EFCAB3: variants seen among roughly 807,000 people sequenced by gnomAD.
EFCAB3 encodes EF-hand calcium binding domain 3.
Under a neutral mutation model 42.2 loss-of-function variants are expected in EFCAB3, and 36 were observed. That is an observed-to-expected ratio of 0.85 (90% confidence interval 0.65 to 1.13). EFCAB3 has a LOEUF of 1.13. Among genes scored for constraint, EFCAB3 ranks in the 50% most tolerant of loss-of-function variants. EFCAB3 has a pLI of 0.00. For missense variants in EFCAB3, 418 were observed against 505.1 expected (o/e 0.83, Z 1.65); for synonymous variants, 170 against 172.8 (o/e 0.98, Z 0.13).
intron 6 of EFCAB3, among the ~76,000 whole-genome samples, chr17:62,395,784 A>G (rs1307966992): frequency 6.6e-6 from 1 of 152,190 alleles, no homozygotes; most frequent in Non-Finnish European, 1.5e-5. Context: ...AGAGTAAATC[A>G]CCTCAATCTA....
chr17:62,403,791 A>G (rs1402182778), intron 6 of EFCAB3, among the ~76,000 whole-genome samples: 3 of 152,054 alleles, frequency 2.0e-5, no homozygotes, highest in Admixed American at 6.6e-5. Flanking sequence ...TGGGACTACA[A>G]GCCTGCACTA....
intron 6 of EFCAB3, among the ~76,000 whole-genome samples, chr17:62,399,828 A>G (rs73329498): frequency 0.15 from 22,853 of 152,136 alleles, 2,650 homozygotes; most frequent in African/African-American, 0.32. Flanking sequence ...ACCTTTTAAT[A>G]TGCAATAAAA....
At position 62,383,039 on chromosome 17, in the gene EFCAB3, C is replaced by G; in HGVS notation, c.60C>G (p.Ile20Met). 6.2e-7 allele frequency: 1 copy of G among 1,612,952 alleles called. No homozygotes were observed. Among genetic ancestry groups the G allele is most frequent in the South Asian group, 1.1e-5 (1 of 90,810 alleles). Residue 20 changes from isoleucine (I) to methionine (M), a missense_variant, in exon 2 of 10, where the codon ATC becomes ATG. Ile to Met is a conservative substitution (Grantham distance 10). Coordinates refer to ENST00000305286, the MANE Select transcript of EFCAB3 (RefSeq NM_173503.4). Reference protein sequence around the residue: ...LKLNPLTKVPISHNKRDRDLP... With the variant: ...LKLNPLTKVPMSHNKRDRDLP... The stretch of plus-strand genomic sequence containing the variant: ...TGAATCCTCTAACAAAAGTACCCAT[C>G]TCCCACAATAAAAGGTAGGTAATGA...
intron 6 of EFCAB3, 122 bp downstream of exon 6, chr17:62,395,310 A>G: frequency 1.6e-6 from 2 of 1,288,884 alleles, no homozygotes; most frequent in Non-Finnish European, 2.1e-6. Flanking sequence ...AAGGAGAAGA[A>G]GGTATCTGGG....
intron 6 of EFCAB3, among the ~76,000 whole-genome samples, chr17:62,399,407 A>T (rs573646748): frequency 6.6e-6 from 1 of 152,216 alleles, no homozygotes; most frequent in South Asian, 2.1e-4. Context: ...GGCTCAAGAG[A>T]TCTGCTCACC....
chr17:62,385,886 ATT>A (rs58217905), intron 2 of EFCAB3, among the ~76,000 whole-genome samples: 2 of 141,116 alleles, frequency 1.4e-5, no homozygotes, highest in Admixed American at 7.1e-5. Flanking sequence ...TGCCCGGCTA[ATT>A]TTTTTTTTTT....
chr17:62,396,927 A>G (rs981744955), intron 6 of EFCAB3, among the ~76,000 whole-genome samples: 2 of 152,194 alleles, frequency 1.3e-5, no homozygotes, highest in African/African-American at 4.8e-5. Context: ...TATACATATT[A>G]TCTAATTTAA....
At chr17:62,410,430 C>G (rs1460216544) in intron 8 of EFCAB3, among the ~76,000 whole-genome samples, 1 of 151,916 alleles carries the variant, frequency 6.6e-6, no homozygotes, top group African/African-American at 2.4e-5. Context: ...CTACTTGACC[C>G]CACACATAGA....
rs144845537 is a variant in EFCAB3 at position 62,393,618 on chromosome 17, A to G, written c.341A>G (p.Asp114Gly). The change falls in exon 5 of 10, where the codon GAT (aspartate) becomes GGT (glycine). Residue 114 changes from aspartate (D) to glycine (G), a missense_variant. By Grantham distance (94) the Asp-to-Gly change is moderately conservative. Transcript: ENST00000305286. ...TCAGACTTTATCAAGGTTCTAACAG[A>G]TAAGAATCTCTTCCTCAAGGCAGTG... is the stretch of plus-strand genomic sequence containing the variant. ...NFSDFIKVLT[D>G]KNLFLKAVVP... 11 of 1,614,014 alleles carry G rather than the reference A, an allele frequency of 6.8e-6. No homozygotes were observed. The African/African-American group carries it at 1.5e-4, about 22-fold the overall frequency.
chr17:62,370,378 G>T, intron 1 of EFCAB3: 1 of 1,532,210 alleles, frequency 6.5e-7, no homozygotes, highest in South Asian at 1.2e-5. Flanking sequence ...TTTTGGGCTG[G>T]GCATGGTGAT....
chr17:62,414,422 A>C (rs1211431462), intron 9 of EFCAB3, among the ~76,000 whole-genome samples: 1 of 152,082 alleles, frequency 6.6e-6, no homozygotes, highest in African/African-American at 2.4e-5. Flanking sequence ...TCTTTCCTCT[A>C]TGTCTGTCCT....
rs75257503 is a variant in EFCAB3 at position 62,396,584 on chromosome 17, T to C, written c.488+1396T>C. Among the ~76,000 whole-genome samples the C allele has an allele frequency of 4.9e-3, 693 of 142,132 alleles. 3 individuals are homozygous for C. Among genetic ancestry groups the C allele is most frequent in the African/African-American group, 0.017 (655 of 38,090 alleles). The allele number at this position is 142,132 out of a possible 152,430, so 93.2% of individuals were successfully genotyped here. A position where few individuals can be genotyped will look rare whatever the true frequency, so the allele number is the denominator to read the frequency against. ...AATAAAAAAGAAAAAAAAAAGAAAA[T>C]TGAAGCTTCGTTTAAAAAAAAATTA... On this transcript the variant is annotated intron_variant, in intron 6 of 9. Transcript: ENST00000305286.
At chr17:62,412,196 T>A (rs183694161) in intron 8 of EFCAB3, among the ~76,000 whole-genome samples, 1 of 151,238 alleles carries the variant, frequency 6.6e-6, no homozygotes, top group African/African-American at 2.4e-5. Context: ...GCCAACATGG[T>A]GAAACCCCAT....
intron 9 of EFCAB3, among the ~76,000 whole-genome samples, 167 bp from the exon 10 acceptor site, chr17:62,415,836 G>A (rs1204121713): frequency 6.6e-6 from 1 of 152,030 alleles, no homozygotes; most frequent in African/African-American, 2.4e-5. Context: ...CATTTTGATT[G>A]TCCATCACCT....
At chr17:62,411,792 G>T (rs1427796745) in intron 8 of EFCAB3, among the ~76,000 whole-genome samples, 1 of 125,902 alleles carries the variant, frequency 7.9e-6, no homozygotes, top group Non-Finnish European at 1.6e-5. Context: ...AAGAAAGAGA[G>T]AAAGAGATGG....
chr17:62,396,701 G>A (rs1275538811), intron 6 of EFCAB3, among the ~76,000 whole-genome samples: 1 of 151,992 alleles, frequency 6.6e-6, no homozygotes, highest in East Asian at 1.9e-4. Context: ...CATACCAGCT[G>A]GGCAATATAG....
intron 6 of EFCAB3, among the ~76,000 whole-genome samples, chr17:62,398,702 T>TAC (rs138374505): frequency 0.2 from 30,206 of 148,780 alleles, 4,452 homozygotes; most frequent in East Asian, 0.57. Context: ...ATTATATATG[T>TAC]ACACACACAC....
chr17:62,382,353 T>C (rs1459341823), intron 1 of EFCAB3, among the ~76,000 whole-genome samples: 3 of 152,208 alleles, frequency 2.0e-5, no homozygotes, highest in Non-Finnish European at 4.4e-5. Flanking sequence ...TTGATATATG[T>C]ATACATTGTT....
chr17:62,415,872 A>T, intron 9 of EFCAB3, 131 bp from the exon 10 acceptor site: 1 of 759,358 alleles, frequency 1.3e-6, no homozygotes, highest in Non-Finnish European at 2.1e-6. Flanking sequence ...CTCACGAGGC[A>T]CCACCTAATG....
Sources: gnomAD v4.1 joint callset for allele counts (sites outside exome capture counted in the v4.1 genomes callset) on GRCh38, gnomAD v4.1.1 for gene constraint, MANE v1.5 for transcripts, NCBI Gene and HGNC (gene_info 2026-07-23, HGNC 2026-07-21) for gene names.